The following LUZP2 variants were observed in gnomAD, a reference collection of about 807,000 sequenced individuals.
The protein encoded by LUZP2 is leucine zipper protein 2.
A neutral mutation model predicts 51.6 loss-of-function variants in LUZP2; 52 were observed. The ratio of observed to expected loss-of-function variants is 1.01; its 90% CI spans 0.81 to 1.27. The LOEUF (loss-of-function observed/expected upper bound fraction) is 1.27. Among genes scored for constraint, LUZP2 ranks in the 50% most tolerant of loss-of-function variants. LUZP2 has a pLI of 0.00. For synonymous variants in LUZP2, 154 were observed against 137.3 expected (o/e 1.12, Z -0.85); for missense variants, 436 against 395.4 (o/e 1.10, Z -0.87).
chr11:24,626,962 G>A lies in LUZP2; in HGVS notation c.63-102207G>A, dbSNP rs906955497. ...ATGTTCTGCTTTTCATTATATTAGG[G>A]ATCTGCCAACTCTAATCGACAGGGC... On this transcript the variant is annotated intron_variant, in intron 1 of 11. Transcript: ENST00000336930. Among the ~76,000 whole-genome samples the A allele has an allele frequency of 2.6e-5, 4 of 152,070 alleles. 1 individual carries two copies. Among genetic ancestry groups the A allele is most frequent in the African/African-American group, 9.7e-5 (4 of 41,426 alleles).
rs960240648 is a variant in LUZP2 at position 24,632,123 on chromosome 11, T to C, written c.63-97046T>C. Among the ~76,000 whole-genome samples, 18 of 152,152 alleles carry C rather than the reference T, an allele frequency of 1.2e-4. 1 individual carries two copies. Among genetic ancestry groups the C allele is most frequent in the African/African-American group, 3.6e-4 (15 of 41,554 alleles). On this transcript the variant is annotated intron_variant, in intron 1 of 11. Transcript: ENST00000336930. ...TAATGTCATTTCACATTTGAGAATA[T>C]GTTAATACTTACCAACTCACTAAAC...
intron 3 of LUZP2, among the ~76,000 whole-genome samples, chr11:24,733,762 A>G (rs1416107362): frequency 2.0e-5 from 3 of 151,688 alleles, no homozygotes; most frequent in African/African-American, 4.8e-5. Context: ...TTTTAAAAAA[A>G]CCATGAAAAG....
chr11:25,006,687 G>T (rs111374825), intron 9 of LUZP2, among the ~76,000 whole-genome samples: 4 of 152,172 alleles, frequency 2.6e-5, no homozygotes, highest in Non-Finnish European at 5.9e-5. Flanking sequence ...ACCACTTGGC[G>T]ATAGTCGATA....
chr11:24,895,756 TA>T (rs1232976496), intron 5 of LUZP2, among the ~76,000 whole-genome samples: 2 of 152,226 alleles, frequency 1.3e-5, no homozygotes, highest in Admixed American at 1.3e-4. Context: ...GTTGGGCACC[TA>T]AGATGATGCC....
chr11:24,822,830 A>G (rs1455970041), intron 5 of LUZP2, among the ~76,000 whole-genome samples: 1 of 152,224 alleles, frequency 6.6e-6, no homozygotes, highest in African/African-American at 2.4e-5. Flanking sequence ...AATGGTGGTT[A>G]ATATGACATT....
chr11:24,713,717 C>T (rs899958821), intron 1 of LUZP2, among the ~76,000 whole-genome samples: 38 of 120,690 alleles, frequency 3.1e-4, no homozygotes, highest in Non-Finnish European at 4.2e-4. Context: ...GAGATGGAGT[C>T]TTGCTCTATC....
chr11:24,950,274 C>A (rs899411357), intron 7 of LUZP2, among the ~76,000 whole-genome samples: 1 of 151,316 alleles, frequency 6.6e-6, no homozygotes, highest in Non-Finnish European at 1.5e-5. Context: ...AAGAGGAAAA[C>A]GAAATGTTAA....
Position 24,558,839 on chromosome 11 carries a change from T to A in LUZP2, c.62+61534T>A, listed in dbSNP as rs537008054. On this transcript the variant is annotated intron_variant, in intron 1 of 11. Coordinates refer to ENST00000336930, the MANE Select transcript of LUZP2 (RefSeq NM_001009909.4). ...TAAGAGCAGACACCCCGTTGGATCATTGAACAGCCCTCACTAGACATTGAA... is the reference window on the plus strand; with the variant it reads ...TAAGAGCAGACACCCCGTTGGATCAATGAACAGCCCTCACTAGACATTGAA... Among the ~76,000 whole-genome samples the A allele has an allele frequency of 1.5e-3, 225 of 152,198 alleles. 1 individual carries two copies. The highest frequency in any genetic ancestry group is 2.8e-3 in the Non-Finnish European group (190 of 68,036).
intron 4 of LUZP2, among the ~76,000 whole-genome samples, chr11:24,761,320 A>G (rs992901179): frequency 2.6e-5 from 4 of 152,106 alleles, no homozygotes; most frequent in Admixed American, 6.6e-5. Context: ...TTAAACAATC[A>G]TATCTCATAA....
chr11:24,729,290 A>T lies in LUZP2; in HGVS notation c.180+4A>T, dbSNP rs754765473. The T allele has an allele frequency of 6.1e-6, 9 of 1,483,998 alleles. No individual in the cohort carries two copies. The South Asian group carries it at 1.1e-4, about 19-fold the overall frequency. 91.9% of individuals were successfully genotyped at this position (1,483,998 alleles called of 1,614,324 possible). On this transcript the variant is annotated splice_donor_region_variant and intron_variant, in intron 2 of 11. Transcript: ENST00000336930. ...TGGAATTAAAGTCAATCTTCAGGTG[A>T]GATGAGAACTCATTTTCCGAGCAGT...
intron 9 of LUZP2, among the ~76,000 whole-genome samples, chr11:25,018,697 T>C (rs968674281): frequency 5.3e-5 from 8 of 150,134 alleles, no homozygotes; most frequent in Non-Finnish European, 1.0e-4. Context: ...AATCTCTAGC[T>C]CCTGGGTTCA....
intron 9 of LUZP2, among the ~76,000 whole-genome samples, chr11:25,010,267 T>C (rs1422901438): frequency 6.6e-6 from 1 of 152,172 alleles, no homozygotes; most frequent in African/African-American, 2.4e-5. Flanking sequence ...ATTAATAACA[T>C]TGCTGCCCTG....
chr11:24,696,934 C>T (rs1857268261), intron 1 of LUZP2, among the ~76,000 whole-genome samples: 1 of 151,844 alleles, frequency 6.6e-6, no homozygotes, highest in Non-Finnish European at 1.5e-5. Context: ...TTTCCAGATA[C>T]ATAAACAACA....
chr11:25,068,255 G>GT lies in LUZP2; in HGVS notation c.859-9073dup, dbSNP rs529031007. 2.2e-3 allele frequency among the ~76,000 whole-genome samples: 328 copies of GT among 151,980 alleles called. 1 individual carries two copies. The highest frequency in any genetic ancestry group is 7.1e-3 in the African/African-American group (294 of 41,424). On this transcript the variant is annotated intron_variant, in intron 10 of 11. Transcript: ENST00000336930. Reference sequence around the variant, plus strand: ...GGTGCAGCAAACCACAATGGCACGTGTATACCTATGTAACAAACCTGGACA... The same window carrying GT: ...GGTGCAGCAAACCACAATGGCACGTGTTATACCTATGTAACAAACCTGGACA...
intron 1 of LUZP2, among the ~76,000 whole-genome samples, chr11:24,552,557 C>A (rs1363571231): frequency 6.6e-6 from 1 of 151,926 alleles, no homozygotes; most frequent in African/African-American, 2.4e-5. Flanking sequence ...AGATCATCTA[C>A]CCACAAATTC....
intron 10 of LUZP2, among the ~76,000 whole-genome samples, chr11:25,076,679 G>A (rs573508160): frequency 3.7e-4 from 53 of 144,782 alleles, no homozygotes; most frequent in South Asian, 2.9e-3. Flanking sequence ...GGGAGGGAGG[G>A]AGGATTGAAT....
chr11:24,980,023 G>C (rs962934071), intron 8 of LUZP2, among the ~76,000 whole-genome samples: 2 of 151,734 alleles, frequency 1.3e-5, no homozygotes, highest in African/African-American at 4.8e-5. Flanking sequence ...AATATCACTG[G>C]AGCAGAGGTC....
intron 7 of LUZP2, among the ~76,000 whole-genome samples, chr11:24,925,548 A>G (rs1421648649): frequency 6.6e-6 from 1 of 151,930 alleles, no homozygotes; most frequent in African/African-American, 2.4e-5. Context: ...AGCCTCACTT[A>G]TTTTTTTCAT....
intron 5 of LUZP2, among the ~76,000 whole-genome samples, chr11:24,820,056 C>T (rs1234452379): frequency 6.6e-6 from 1 of 152,056 alleles, no homozygotes; most frequent in Non-Finnish European, 1.5e-5. Flanking sequence ...GAGCGATATA[C>T]ACAAGAAAAA....
Sources: allele counts gnomAD v4.1 joint callset (sites outside exome capture counted in the v4.1 genomes callset), GRCh38; gene constraint gnomAD v4.1.1; transcripts MANE v1.5; gene names NCBI Gene and HGNC (gene_info 2026-07-23, HGNC 2026-07-21).